ARHGAP15: variants seen among roughly 807,000 people sequenced by gnomAD.
ARHGAP15 encodes Rho GTPase activating protein 15, also known as rho GTPase-activating protein 15.
In ARHGAP15, 51 loss-of-function variants were observed where a neutral mutation model predicts 63.7. That is an observed-to-expected ratio of 0.80 (90% confidence interval 0.64 to 1.01). The LOEUF is 1.01. Ranked by LOEUF, ARHGAP15 falls within the 50% of genes least tolerant of loss-of-function variation. ARHGAP15 has a pLI of 0.00. For missense variants in ARHGAP15, 560 were observed against 564.6 expected (o/e 0.99, Z 0.08); for synonymous variants, 191 against 193.8 (o/e 0.99, Z 0.12).
chr2:143,253,816 T>C (rs1302961413), intron 6 of ARHGAP15, among the ~76,000 whole-genome samples: 1 of 151,874 alleles, frequency 6.6e-6, no homozygotes, highest in Non-Finnish European at 1.5e-5. Context: ...ACACACCTAA[T>C]AGCTTGACCT....
At chr2:143,700,880 T>C (rs989471839) in intron 12 of ARHGAP15, among the ~76,000 whole-genome samples, 1 of 152,148 alleles carries the variant, frequency 6.6e-6, no homozygotes, top group Admixed American at 6.6e-5. Context: ...TAGGCCCCAG[T>C]TGGTCTTGTG....
At chr2:143,264,809 G>T (rs980184758) in intron 6 of ARHGAP15, among the ~76,000 whole-genome samples, 1 of 151,918 alleles carries the variant, frequency 6.6e-6, no homozygotes, top group Non-Finnish European at 1.5e-5. Context: ...AAGTTCAACC[G>T]GTATTAACGG....
At chr2:143,242,575 A>G (rs1693905600) in intron 5 of ARHGAP15, among the ~76,000 whole-genome samples, 1 of 152,220 alleles carries the variant, frequency 6.6e-6, no homozygotes, top group African/African-American at 2.4e-5. Context: ...ATAACATTCT[A>G]GTGCCCACAA....
intron 8 of ARHGAP15, among the ~76,000 whole-genome samples, chr2:143,478,887 G>A (rs974169095): frequency 6.6e-6 from 1 of 152,034 alleles, no homozygotes; most frequent in Admixed American, 6.6e-5. Flanking sequence ...TTCTGTCCTG[G>A]CTGAAAATTT....
At chr2:143,206,574 G>T (rs1175256116) in intron 3 of ARHGAP15, among the ~76,000 whole-genome samples, 3 of 151,890 alleles carry the variant, frequency 2.0e-5, no homozygotes, top group Non-Finnish European at 2.9e-5. Context: ...TAGCAGCTGG[G>T]TCTTGACTCT....
intron 13 of ARHGAP15, among the ~76,000 whole-genome samples, chr2:143,726,800 T>A (rs1685300114): frequency 6.6e-6 from 1 of 152,238 alleles, no homozygotes; most frequent in Non-Finnish European, 1.5e-5. Context: ...CCACAATTAT[T>A]TCAGGCTGTG....
At chr2:143,327,870 A>G (rs968851489) in intron 6 of ARHGAP15, among the ~76,000 whole-genome samples, 10 of 151,482 alleles carry the variant, frequency 6.6e-5, no homozygotes, top group Non-Finnish European at 1.5e-5. Context: ...AAGGGCTAAT[A>G]CCCAGAATCT....
intron 6 of ARHGAP15, among the ~76,000 whole-genome samples, chr2:143,352,341 A>T (rs912927625): frequency 6.6e-6 from 1 of 152,222 alleles, no homozygotes; most frequent in Non-Finnish European, 1.5e-5. Flanking sequence ...CATTTAATAG[A>T]CTTTTAAAAA....
At chr2:143,286,187 T>C (rs1283586673) in intron 6 of ARHGAP15, among the ~76,000 whole-genome samples, 1 of 152,204 alleles carries the variant, frequency 6.6e-6, no homozygotes, top group East Asian at 1.9e-4. Context: ...AGTGGTGTTA[T>C]TGTACTTTTA....
intron 2 of ARHGAP15, among the ~76,000 whole-genome samples, chr2:143,173,179 A>C (rs994494749): frequency 6.6e-6 from 1 of 152,122 alleles, no homozygotes; most frequent in African/African-American, 2.4e-5. Flanking sequence ...AGTAGATGTA[A>C]ATATTGGTAT....
At chr2:143,255,751 G>A (rs1022378501) in intron 6 of ARHGAP15, among the ~76,000 whole-genome samples, 1 of 152,092 alleles carries the variant, frequency 6.6e-6, no homozygotes, top group Non-Finnish European at 1.5e-5. Flanking sequence ...CTTGTAGTTA[G>A]ACTAAATGCA....
At chr2:143,228,001 C>T (rs1693285007) in intron 4 of ARHGAP15, 2 of 152,110 alleles carry the variant, frequency 1.3e-5, no homozygotes, top group South Asian at 4.1e-4. Flanking sequence ...CTGTGATTAT[C>T]CCTAGATGTT....
chr2:143,239,958 T>A (rs1693797853), intron 5 of ARHGAP15, among the ~76,000 whole-genome samples: 1 of 114,210 alleles, frequency 8.8e-6, no homozygotes. Context: ...ATCACTGCCC[T>A]CCACCCTGGG....
At chr2:143,731,232 C>T (rs1685520187) in intron 13 of ARHGAP15, among the ~76,000 whole-genome samples, 1 of 152,146 alleles carries the variant, frequency 6.6e-6, no homozygotes, top group Admixed American at 6.5e-5. Context: ...TGGAAATAAA[C>T]TACCTTGAAG....
intron 6 of ARHGAP15, among the ~76,000 whole-genome samples, chr2:143,417,558 T>A (rs142352566): frequency 2.6e-5 from 4 of 152,328 alleles, no homozygotes; most frequent in African/African-American, 4.8e-5. Context: ...CACATTCTTA[T>A]GCAGTGGCTA....
At position 143,180,451 on chromosome 2, in the gene ARHGAP15, T is replaced by C. The variant is rs542626274; in HGVS notation, c.166-21683T>C. On this transcript the variant is annotated intron_variant, in intron 2 of 13. Coordinates refer to ENST00000295095, the MANE Select transcript of ARHGAP15 (RefSeq NM_018460.4). ...ACCACATCTACAGTTACATTCTGCATTGAAGTCCTGAACCCCTCAAAGTCA... is the reference window on the plus strand; with the variant it reads ...ACCACATCTACAGTTACATTCTGCACTGAAGTCCTGAACCCCTCAAAGTCA... Among the ~76,000 whole-genome samples the C allele has an allele frequency of 3.2e-3, 490 of 152,340 alleles. 3 individuals are homozygous for C. The highest frequency in any genetic ancestry group is 5.7e-3 in the Non-Finnish European group (386 of 68,028).
chr2:143,290,551 A>T (rs1011234295), intron 6 of ARHGAP15, among the ~76,000 whole-genome samples: 1 of 152,092 alleles, frequency 6.6e-6, no homozygotes, highest in Non-Finnish European at 1.5e-5. Flanking sequence ...TTCATATAAC[A>T]TATATTTAAA....
intron 6 of ARHGAP15, among the ~76,000 whole-genome samples, chr2:143,353,330 G>C (rs1242762402): frequency 6.6e-6 from 1 of 152,102 alleles, no homozygotes; most frequent in Non-Finnish European, 1.5e-5. Flanking sequence ...TGAATGTAAG[G>C]ACAACCAAGA....
chr2:143,663,846 A>C (rs367787314), intron 12 of ARHGAP15, among the ~76,000 whole-genome samples: 1 of 152,354 alleles, frequency 6.6e-6, no homozygotes, highest in African/African-American at 2.4e-5. Flanking sequence ...TAAAGGGATC[A>C]ATTCAACAAG....
Sources: allele counts gnomAD v4.1 joint callset (sites outside exome capture counted in the v4.1 genomes callset), GRCh38; gene constraint gnomAD v4.1.1; transcripts MANE v1.5; gene names NCBI Gene and HGNC (gene_info 2026-07-23, HGNC 2026-07-21).